The following MYLK variants were observed in gnomAD, a reference collection of about 807,000 sequenced individuals.
The protein encoded by MYLK is myosin light chain kinase, smooth muscle.
Under a neutral mutation model 203.4 loss-of-function variants are expected in MYLK, and 106 were observed. The observed-to-expected ratio is 0.52, with a 90% CI of 0.45 to 0.61. The LOEUF is 0.61. MYLK is among the 20% of genes least tolerant of loss of function. MYLK has a pLI of 0.00. For synonymous variants in MYLK, 867 were observed against 959.5 expected (o/e 0.90, Z 1.78); for missense variants, 2,072 against 2,442.3 (o/e 0.85, Z 3.20).
intron 3 of MYLK, among the ~76,000 whole-genome samples, chr3:123,807,272 T>C (rs1015199845): frequency 1.3e-5 from 2 of 151,980 alleles, no homozygotes; most frequent in Admixed American, 1.3e-4. Context: ...CTATCAAAAA[T>C]ACAAAAGTCA....
chr3:123,800,359 G>A (rs1465714855), intron 3 of MYLK, among the ~76,000 whole-genome samples: 3 of 152,054 alleles, frequency 2.0e-5, no homozygotes, highest in African/African-American at 7.2e-5. Context: ...ACCACCCAGG[G>A]ATCATAAGAT....
intron 2 of MYLK, among the ~76,000 whole-genome samples, chr3:123,872,218 T>C (rs905471954): frequency 1.3e-5 from 2 of 152,124 alleles, no homozygotes; most frequent in East Asian, 1.9e-4. Context: ...GAGAGTTGAG[T>C]AGAGAGTTGA....
intron 20 of MYLK, among the ~76,000 whole-genome samples, chr3:123,675,637 C>T (rs2060048712): frequency 6.6e-6 from 1 of 152,188 alleles, no homozygotes; most frequent in Non-Finnish European, 1.5e-5. Flanking sequence ...GGGGACATTT[C>T]CCTTTTTAGG....
chr3:123,812,493 G>A (rs1381126150), intron 3 of MYLK, among the ~76,000 whole-genome samples: 3 of 152,172 alleles, frequency 2.0e-5, no homozygotes, highest in African/African-American at 2.4e-5. Flanking sequence ...AAAGCAGAGC[G>A]TTCTCTCTTG....
intron 17 of MYLK, 69 bp from the exon 18 acceptor site, chr3:123,701,074 G>A: frequency 1.3e-6 from 2 of 1,576,632 alleles, no homozygotes; most frequent in Non-Finnish European, 1.7e-6. Context: ...GAAACTTCAG[G>A]GGAGAGCAAA....
intron 24 of MYLK, among the ~76,000 whole-genome samples, chr3:123,652,248 A>G (rs760335690): frequency 1.2e-4 from 19 of 152,194 alleles, no homozygotes; most frequent in Middle Eastern, 3.4e-3. Flanking sequence ...GAGAAAGGTG[A>G]ACTGGTTTCC....
intron 2 of MYLK, among the ~76,000 whole-genome samples, chr3:123,843,846 T>A (rs2066650115): frequency 6.6e-6 from 1 of 152,172 alleles, no homozygotes; most frequent in South Asian, 2.1e-4. Context: ...TAAGCCTCTG[T>A]TTGAGCACTG....
At chr3:123,802,078 A>G (rs537935160) in intron 3 of MYLK, among the ~76,000 whole-genome samples, 1 of 152,238 alleles carries the variant, frequency 6.6e-6, no homozygotes, top group East Asian at 1.9e-4. Context: ...TTTTCTCCAC[A>G]GCCTTGCCAA....
At position 123,675,672 on chromosome 3, in the gene MYLK, A is replaced by G. The variant is rs185651851; in HGVS notation, c.3652+6552T>C. ...GTAGGTAGTTAAAAATAGACATCAA[A>G]TCCTTCAAAATTCCCAAAATCAGCA... On this transcript the variant is annotated intron_variant, in intron 20 of 33. Transcript: ENST00000360304. Among the ~76,000 whole-genome samples, 414 of 152,218 alleles carry G rather than the reference A, an allele frequency of 2.7e-3. 2 individuals carry two copies. The highest frequency in any genetic ancestry group is 9.6e-3 in the African/African-American group (398 of 41,534).
At chr3:123,717,820 G>C (rs1294405244) in intron 13 of MYLK, among the ~76,000 whole-genome samples, 1 of 149,616 alleles carries the variant, frequency 6.7e-6, no homozygotes, top group Non-Finnish European at 1.5e-5. Flanking sequence ...GGGAAAGAAG[G>C]AATATTTGTT....
At chr3:123,837,577 T>C (rs376464082) in intron 2 of MYLK, among the ~76,000 whole-genome samples, 26 of 149,770 alleles carry the variant, frequency 1.7e-4, no homozygotes, top group African/African-American at 5.8e-4. Flanking sequence ...TCATATACCA[T>C]ACAATTTAAA....
chr3:123,733,180 G>T, intron 10 of MYLK, 78 bp from the exon 11 acceptor site: 1 of 1,497,010 alleles, frequency 6.7e-7, no homozygotes, highest in Non-Finnish European at 9.2e-7. Flanking sequence ...TGGGGAAGGT[G>T]TGAGCTGGAG....
chr3:123,731,073 C>T (rs1222702025), intron 11 of MYLK, among the ~76,000 whole-genome samples: 4 of 152,128 alleles, frequency 2.6e-5, no homozygotes, highest in African/African-American at 9.7e-5. Context: ...CCTCTGGATA[C>T]GCCATTAATC....
chr3:123,849,220 C>A (rs1361353343), intron 2 of MYLK, among the ~76,000 whole-genome samples: 3 of 152,170 alleles, frequency 2.0e-5, no homozygotes. Flanking sequence ...AAGTGATCCA[C>A]ACCTTGGCCT....
intron 32 of MYLK, 76 bp from the exon 33 acceptor site, chr3:123,618,846 CT>C: frequency 6.3e-7 from 1 of 1,594,890 alleles, no homozygotes; most frequent in Admixed American, 1.7e-5. Flanking sequence ...AAGAAACTAA[CT>C]TTTAAAAAAG....
chr3:123,708,628 C>A, intron 15 of MYLK, 70 bp downstream of exon 15: 1 of 1,583,478 alleles, frequency 6.3e-7, no homozygotes, highest in Non-Finnish European at 8.6e-7. Flanking sequence ...GGTTTCCTTG[C>A]CTCCAAATCA....
intron 24 of MYLK, among the ~76,000 whole-genome samples, 175 bp from the exon 25 acceptor site, chr3:123,649,369 C>G (rs1269344137): frequency 1.3e-5 from 2 of 152,158 alleles, no homozygotes; most frequent in East Asian, 3.9e-4. Flanking sequence ...CAAATAGGGC[C>G]CAGTGCAGAC....
intron 3 of MYLK, among the ~76,000 whole-genome samples, chr3:123,823,473 C>T: frequency 6.6e-6 from 1 of 152,118 alleles, no homozygotes; most frequent in East Asian, 1.9e-4. Flanking sequence ...GCCCAGAATT[C>T]ATCCCTCACT....
At chr3:123,773,008 T>C (rs778533307) in intron 4 of MYLK, among the ~76,000 whole-genome samples, 4 of 152,100 alleles carry the variant, frequency 2.6e-5, no homozygotes, top group Admixed American at 6.5e-5. Context: ...AAAGATTCAA[T>C]AATTCTATTT....
Sources: gnomAD v4.1 joint callset for allele counts (sites outside exome capture counted in the v4.1 genomes callset) on GRCh38, gnomAD v4.1.1 for gene constraint, MANE v1.5 for transcripts, NCBI Gene and HGNC (gene_info 2026-07-23, HGNC 2026-07-21) for gene names.